TRHDE: variants seen among roughly 807,000 people sequenced by gnomAD.
TRHDE encodes thyrotropin-releasing hormone-degrading ectoenzyme.
A neutral mutation model predicts 125.7 loss-of-function variants in TRHDE; 72 were observed. The observed-to-expected ratio is 0.57, with a 90% CI of 0.47 to 0.70. The LOEUF is 0.70. TRHDE is among the 30% of genes least tolerant of loss of function. TRHDE has a pLI of 0.00. For missense variants in TRHDE, 1,110 were observed against 1,327.1 expected, an observed-to-expected ratio of 0.84 and a Z score of 2.54; for synonymous variants, 509 against 509.1, an observed-to-expected ratio of 1.00 and a Z score of 0.00.
chr12:72,188,268 A>G (rs1056142256), intron 2 of TRHDE, among the ~76,000 whole-genome samples: 6 of 152,256 alleles, frequency 3.9e-5, no homozygotes, highest in African/African-American at 9.6e-5. Context: ...GAAATTCATT[A>G]TAGTTGTGAG....
Position 72,640,383 on chromosome 12 carries a change from C to A in TRHDE, c.2676-11939C>A, listed in dbSNP as rs1281771191. On this transcript the variant is annotated intron_variant, in intron 15 of 18. Coordinates refer to ENST00000261180, the MANE Select transcript of TRHDE (RefSeq NM_013381.3). ...TTGGCTCGCGCACGGTGCGTGCACC[C>A]ACTGACCTGCGCCCACTGTCTGGCA... Among the ~76,000 whole-genome samples the A allele has an allele frequency of 2.0e-5, 3 of 152,250 alleles. 1 individual carries two copies. Among genetic ancestry groups the A allele is most frequent in the Non-Finnish European group, 4.4e-5 (3 of 68,050 alleles).
intron 1 of TRHDE, among the ~76,000 whole-genome samples, chr12:72,088,168 G>A (rs777414607): frequency 2.6e-4 from 40 of 152,276 alleles, no homozygotes; most frequent in Non-Finnish European, 3.5e-4. Context: ...AAAAGTGGCT[G>A]TTGGATAGTC....
Position 72,621,758 on chromosome 12 carries a change from T to C in TRHDE, c.2675+7T>C. 6.3e-7 allele frequency: 1 copy of C among 1,586,248 alleles called. No homozygotes were observed. The highest frequency in any genetic ancestry group is 8.6e-7 in the Non-Finnish European group (1 of 1,162,102). On this transcript the variant is annotated splice_region_variant and intron_variant, in intron 15 of 18. Transcript: ENST00000261180. ...TTTCCAGCAACAGGAACAGGTAAAC[T>C]GAGCCAAATCCTGTATTTCTGATAT... is the stretch of plus-strand genomic sequence containing the variant.
intron 5 of TRHDE, among the ~76,000 whole-genome samples, chr12:72,498,528 G>A (rs777441564): frequency 6.6e-6 from 1 of 151,944 alleles, no homozygotes; most frequent in East Asian, 1.9e-4. Flanking sequence ...ACTATCTAGG[G>A]GCTATTTAGC....
Position 72,663,500 on chromosome 12 carries a change from TG to T in TRHDE, c.*306del. Reference sequence around the variant, plus strand: ...GACCAAATATGATAGTGATGCATGTTGATGTTACAGTCAATTTGGAAAAACA... The same window carrying T: ...GACCAAATATGATAGTGATGCATGTTATGTTACAGTCAATTTGGAAAAACA... On this transcript the variant is annotated 3_prime_UTR_variant, in exon 19 of 19. Coordinates refer to ENST00000261180, the MANE Select transcript of TRHDE (RefSeq NM_013381.3). 5.1e-6 allele frequency: 1 copy of T among 197,618 alleles called. No individual in the cohort carries two copies. The highest frequency in any genetic ancestry group is 1.0e-5 in the Non-Finnish European group (1 of 97,892). The allele number at this position is 197,618 out of a possible 1,614,324, so 12.2% of individuals were successfully genotyped here.
intron 5 of TRHDE, among the ~76,000 whole-genome samples, chr12:72,485,454 T>C (rs573556919): frequency 5.9e-5 from 9 of 152,108 alleles, no homozygotes; most frequent in Non-Finnish European, 1.3e-4. Flanking sequence ...ACCCACCTCT[T>C]AGAGCTGAGC....
chr12:72,127,627 C>A (rs1875747453), intron 2 of TRHDE, among the ~76,000 whole-genome samples: 1 of 152,038 alleles, frequency 6.6e-6, no homozygotes, highest in Non-Finnish European at 1.5e-5. Flanking sequence ...TGGAGCTAAG[C>A]AATGAGTACT....
chr12:72,314,227 C>T (rs1328744503), intron 2 of TRHDE, among the ~76,000 whole-genome samples: 2 of 151,762 alleles, frequency 1.3e-5, no homozygotes, highest in African/African-American at 4.9e-5. Context: ...GACACCAGGT[C>T]TTGTCTTGTC....
intron 3 of TRHDE, among the ~76,000 whole-genome samples, chr12:72,448,614 C>A (rs1875416766): frequency 6.6e-6 from 1 of 151,880 alleles, no homozygotes; most frequent in African/African-American, 2.4e-5. Context: ...AAAGTTGTGT[C>A]CGTTATGTAT....
At chr12:72,605,425 C>T (rs1250732806) in intron 12 of TRHDE, among the ~76,000 whole-genome samples, 1 of 151,870 alleles carries the variant, frequency 6.6e-6, no homozygotes, top group Non-Finnish European at 1.5e-5. Flanking sequence ...TATTTAGCAC[C>T]CTTATGAGGG....
chr12:72,411,064 G>T (rs1343582327), intron 3 of TRHDE, among the ~76,000 whole-genome samples: 1 of 151,824 alleles, frequency 6.6e-6, no homozygotes, highest in Non-Finnish European at 1.5e-5. Context: ...TTAGCTGGGC[G>T]TGGTGGCAGG....
At chr12:72,454,448 A>G (rs1875739514) in intron 3 of TRHDE, among the ~76,000 whole-genome samples, 1 of 152,206 alleles carries the variant, frequency 6.6e-6, no homozygotes, top group South Asian at 2.1e-4. Flanking sequence ...TGAGAAAGGC[A>G]GTGCTATTAT....
At chr12:72,557,774 A>G (rs1053661396) in intron 7 of TRHDE, among the ~76,000 whole-genome samples, 3 of 152,212 alleles carry the variant, frequency 2.0e-5, no homozygotes, top group South Asian at 2.1e-4. Context: ...TTTTGGTGAC[A>G]TTATATGCAA....
At chr12:72,458,442 G>A (rs543495999) in intron 3 of TRHDE, among the ~76,000 whole-genome samples, 22 of 151,942 alleles carry the variant, frequency 1.4e-4, no homozygotes, top group East Asian at 3.9e-4. Flanking sequence ...AGTTGCCTTC[G>A]TCCTCTGCCT....
intron 3 of TRHDE, among the ~76,000 whole-genome samples, chr12:72,404,168 C>G (rs1207831318): frequency 6.6e-6 from 1 of 152,110 alleles, no homozygotes; most frequent in African/African-American, 2.4e-5. Flanking sequence ...AATCCTAGCA[C>G]TTTGGGAGGC....
chr12:72,557,915 TGTCA>T (rs1242106072), intron 7 of TRHDE, among the ~76,000 whole-genome samples: 1 of 151,998 alleles, frequency 6.6e-6, no homozygotes, highest in African/African-American at 2.4e-5. Flanking sequence ...CTTACTGCAT[TGTCA>T]GTTATCAACA....
At chr12:72,629,857 C>T (rs935076292) in intron 15 of TRHDE, among the ~76,000 whole-genome samples, 3 of 151,272 alleles carry the variant, frequency 2.0e-5, no homozygotes, top group African/African-American at 7.3e-5. Context: ...ACTTTTTCCC[C>T]TTGTGATTAA....
chr12:72,387,797 C>T (rs986868065), intron 3 of TRHDE, among the ~76,000 whole-genome samples: 11 of 152,102 alleles, frequency 7.2e-5, no homozygotes, highest in South Asian at 2.1e-4. Context: ...AACACCCTTT[C>T]GCTTGGTTCT....
intron 6 of TRHDE, among the ~76,000 whole-genome samples, chr12:72,518,459 G>A (rs1878998082): frequency 6.6e-6 from 1 of 151,914 alleles, no homozygotes; most frequent in South Asian, 2.1e-4. Context: ...CAGAGACTAG[G>A]ATTGCAACCC....
Sources: allele counts gnomAD v4.1 joint callset (sites outside exome capture counted in the v4.1 genomes callset), GRCh38; gene constraint gnomAD v4.1.1; transcripts MANE v1.5; gene names NCBI Gene and HGNC (gene_info 2026-07-23, HGNC 2026-07-21).